Variants in IL19 observed in about 807,000 individuals in gnomAD.
IL19 encodes the protein interleukin 19.
Under a neutral mutation model 19.5 loss-of-function variants are expected in IL19, and 15 were observed. The ratio of observed to expected loss-of-function variants is 0.77; its 90% CI spans 0.52 to 1.19. The LOEUF (loss-of-function observed/expected upper bound fraction) is 1.19, where lower values mean the gene tolerates loss of function less well. Among genes scored for constraint, IL19 ranks in the 50% most tolerant of loss-of-function variants. IL19 has a pLI of 0.00. For missense variants in IL19, 199 were observed against 213.1 expected, an observed-to-expected ratio of 0.93 and a Z score of 0.41; for synonymous variants, 78 against 78.3, an observed-to-expected ratio of 1.00 and a Z score of 0.02.
intron 2 of IL19, among the ~76,000 whole-genome samples, chr1:206,801,251 G>A (rs1182123356): frequency 6.6e-6 from 1 of 151,920 alleles, no homozygotes; most frequent in African/African-American, 2.4e-5. Flanking sequence ...TGGCCTTCTA[G>A]CCAATGATAT....
At chr1:206,803,892 C>T (rs563212728) in intron 2 of IL19, among the ~76,000 whole-genome samples, 1 of 152,278 alleles carries the variant, frequency 6.6e-6, no homozygotes, top group East Asian at 1.9e-4. Flanking sequence ...CTGTGCAAAG[C>T]CCCCTGGGAA....
chr1:206,796,422 C>T (rs189304988), intron 1 of IL19, among the ~76,000 whole-genome samples: 2 of 152,188 alleles, frequency 1.3e-5, no homozygotes, highest in African/African-American at 4.8e-5. Context: ...CCATTCTTTA[C>T]GAGGCTGGTG....
intron 1 of IL19, among the ~76,000 whole-genome samples, chr1:206,776,203 A>G (rs1250302531): frequency 6.6e-6 from 1 of 152,156 alleles, no homozygotes; most frequent in Non-Finnish European, 1.5e-5. Flanking sequence ...TCACTCATCA[A>G]GAAGCCCAAA....
At chr1:206,814,255 T>TATGAACGGCAAATA (rs1676090731) in intron 2 of IL19, among the ~76,000 whole-genome samples, 1 of 151,896 alleles carries the variant, frequency 6.6e-6, no homozygotes, top group Non-Finnish European at 1.5e-5. Context: ...TGAGCACAGA[T>TATGAACGGCAAATA]TGCAGCCAGT....
chr1:206,819,821 G>A (rs1003215973), intron 2 of IL19, among the ~76,000 whole-genome samples: 1 of 152,192 alleles, frequency 6.6e-6, no homozygotes, highest in African/African-American at 2.4e-5. Flanking sequence ...GAAACTGCCA[G>A]GTCCTTTATA....
At chr1:206,830,799 G>C (rs898443762) in intron 2 of IL19, among the ~76,000 whole-genome samples, 1 of 152,098 alleles carries the variant, frequency 6.6e-6, no homozygotes, top group Non-Finnish European at 1.5e-5. Flanking sequence ...GGATGGTCTC[G>C]ATCTCCTGAC....
chr1:206,792,913 A>G (rs1247391800), intron 1 of IL19, among the ~76,000 whole-genome samples: 3 of 152,230 alleles, frequency 2.0e-5, no homozygotes, highest in Non-Finnish European at 4.4e-5. Context: ...GTCCCTTAAC[A>G]GAGCTATGGG....
chr1:206,794,495 C>T (rs1257200446), intron 1 of IL19, among the ~76,000 whole-genome samples: 3 of 152,148 alleles, frequency 2.0e-5, no homozygotes, highest in Non-Finnish European at 4.4e-5. Flanking sequence ...GTCGACACCC[C>T]CTCTCTGAGC....
intron 1 of IL19, among the ~76,000 whole-genome samples, chr1:206,787,615 A>G (rs780981947): frequency 2.0e-4 from 31 of 152,172 alleles, no homozygotes; most frequent in Non-Finnish European, 1.3e-4. Context: ...TCCACCTTCA[A>G]TGAGTCTTGA....
At chr1:206,832,890 CA>C (rs1271217533) in intron 2 of IL19, among the ~76,000 whole-genome samples, 2 of 152,314 alleles carry the variant, frequency 1.3e-5, no homozygotes, top group Admixed American at 1.3e-4. Context: ...CTTTCCCTTG[CA>C]CCTGTCCCGT....
At chr1:206,797,630 C>A (rs1675557033) in intron 1 of IL19, among the ~76,000 whole-genome samples, 1 of 152,118 alleles carries the variant, frequency 6.6e-6, no homozygotes, top group Admixed American at 6.5e-5. Context: ...TTTTCCTGAT[C>A]TTTTTTCTCA....
chr1:206,786,996 C>T (rs1675283826), intron 1 of IL19, among the ~76,000 whole-genome samples: 1 of 152,156 alleles, frequency 6.6e-6, no homozygotes, highest in African/African-American at 2.4e-5. Context: ...CTCACAAAGC[C>T]CAGGGCTTTC....
chr1:206,827,136 C>G (rs1010899762), intron 2 of IL19, among the ~76,000 whole-genome samples: 2 of 151,888 alleles, frequency 1.3e-5, no homozygotes. Flanking sequence ...ATGGAAACAA[C>G]CATAGCAAAG....
chr1:206,827,399 C>T (rs1215685664), intron 2 of IL19, among the ~76,000 whole-genome samples: 2 of 152,056 alleles, frequency 1.3e-5, no homozygotes, highest in African/African-American at 2.4e-5. Context: ...AAATTCAAAA[C>T]GCTTCTCTCG....
chr1:206,817,674 G>T (rs1005378382), intron 2 of IL19, among the ~76,000 whole-genome samples: 13 of 151,776 alleles, frequency 8.6e-5, no homozygotes, highest in Non-Finnish European at 4.4e-5. Flanking sequence ...AAGTGTTTAT[G>T]CACCTAATAA....
intron 5 of IL19, chr1:206,840,732 C>A (rs1676985340): frequency 2.3e-6 from 1 of 437,790 alleles, no homozygotes; most frequent in East Asian, 3.7e-5. Context: ...GGATGCAGCA[C>A]TCAGAGTGGT....
At chr1:206,795,245 T>A (rs1397886892) in intron 1 of IL19, among the ~76,000 whole-genome samples, 1 of 152,112 alleles carries the variant, frequency 6.6e-6, no homozygotes, top group Admixed American at 6.6e-5. Flanking sequence ...GACAGATATG[T>A]CACCTTGAAG....
rs540902355 is a variant in IL19 at position 206,841,831 on chromosome 1, C to G, written c.439-696C>G. Among the ~76,000 whole-genome samples the G allele has an allele frequency of 2.0e-4, 31 of 152,334 alleles. No homozygotes were observed. In the South Asian group the frequency reaches 3.9e-3, roughly 19 times the overall value. ...CACACATTCGTCCTTCCCAACAATG[C>G]TATGAGTCATTATCTGCATTGGATA... On this transcript the variant is annotated intron_variant, in intron 6 of 6. Coordinates refer to ENST00000659997, the MANE Select transcript of IL19 (RefSeq NM_153758.5).
intron 2 of IL19, among the ~76,000 whole-genome samples, chr1:206,816,252 G>A (rs929426927): frequency 6.6e-6 from 1 of 151,980 alleles, no homozygotes; most frequent in Non-Finnish European, 1.5e-5. Flanking sequence ...CACTGGAAAT[G>A]GTACTACATG....
Sources: gnomAD v4.1 joint callset for allele counts (sites outside exome capture counted in the v4.1 genomes callset) on GRCh38, gnomAD v4.1.1 for gene constraint, MANE v1.5 for transcripts, NCBI Gene and HGNC (gene_info 2026-07-23, HGNC 2026-07-21) for gene names.